NRG4: variants seen among roughly 807,000 people sequenced by gnomAD.
The protein encoded by NRG4 is pro-neuregulin-4, membrane-bound isoform.
A neutral mutation model predicts 15.0 loss-of-function variants in NRG4; 10 were observed. That is an observed-to-expected ratio of 0.67 (90% CI 0.41 to 1.13). NRG4 has a LOEUF of 1.13. Ranked by LOEUF, NRG4 falls within the 50% of genes most tolerant of loss-of-function variation. The pLI is 0.00. For synonymous variants in NRG4, 41 were observed against 50.1 expected, an observed-to-expected ratio of 0.82 and a Z score of 0.77; for missense variants, 139 against 140.2, an observed-to-expected ratio of 0.99 and a Z score of 0.04.
chr15:75,986,392 C>G (rs2033803258), intron 3 of NRG4, among the ~76,000 whole-genome samples: 2 of 152,036 alleles, frequency 1.3e-5, no homozygotes, highest in African/African-American at 4.8e-5. Context: ...TTTGTATTAG[C>G]AAAAGATAAG....
intron 5 of NRG4, among the ~76,000 whole-genome samples, chr15:75,946,397 G>A (rs1467542883): frequency 2.0e-5 from 3 of 152,036 alleles, no homozygotes; most frequent in African/African-American, 7.2e-5. Context: ...TCGCTCTGTC[G>A]CCCAGGCTGG....
intron 1 of NRG4, chr15:76,057,235 T>A (rs962548022): frequency 7.1e-6 from 1 of 141,462 alleles, no homozygotes; most frequent in Non-Finnish European, 1.6e-5. Flanking sequence ...AAAAAAAAAA[T>A]CACAAGTCAA....
At chr15:76,055,472 GT>G (rs1172793495) in intron 2 of NRG4, among the ~76,000 whole-genome samples, 1 of 152,144 alleles carries the variant, frequency 6.6e-6, no homozygotes, top group Non-Finnish European at 1.5e-5. Context: ...AGAATCTACT[GT>G]TTAAATGCAG....
At position 75,963,123 on chromosome 15, in the gene NRG4, A is replaced by G. The variant is rs560215703; in HGVS notation, c.105-1149T>C. On this transcript the variant is annotated intron_variant, in intron 3 of 5. Transcript: ENST00000394907. ...AAATAAGAGAAAAGAACATCAAGATATAGCACAAAGGATCAATTTGAGTTA... is the reference window on the plus strand; with the variant it reads ...AAATAAGAGAAAAGAACATCAAGATGTAGCACAAAGGATCAATTTGAGTTA... Among the ~76,000 whole-genome samples the G allele has an allele frequency of 3.3e-5, 5 of 152,360 alleles. No individual in the cohort carries two copies. In the East Asian group the frequency reaches 9.6e-4, roughly 29 times the overall value.
chr15:75,951,194 G>C (rs1255868925), intron 5 of NRG4: 1 of 131,808 alleles, frequency 7.6e-6, no homozygotes, highest in Non-Finnish European at 1.5e-5. Flanking sequence ...TTGAGACGGA[G>C]TCTCACTCTG....
At chr15:76,053,049 TAG>T (rs957501189) in intron 2 of NRG4, 5 of 151,138 alleles carry the variant, frequency 3.3e-5, no homozygotes, top group Non-Finnish European at 7.4e-5. Context: ...CATAAAAATT[TAG>T]AGTTAGAAAA....
rs563991412 is a variant in NRG4 at position 75,942,021 on chromosome 15, A to G, written c.*1617T>C. ...GCAGGGGGTGGGGTATTTAGTCACA[A>G]GACATAGAGGAACTTTAAGTGTATA... On this transcript the variant is annotated 3_prime_UTR_variant, in exon 6 of 6. Coordinates refer to ENST00000394907, the MANE Select transcript of NRG4 (RefSeq NM_138573.4). 1.3e-4 allele frequency: 20 copies of G among 150,064 alleles called. No homozygotes were observed. Among genetic ancestry groups the G allele is most frequent in the African/African-American group, 4.9e-4 (20 of 40,852 alleles). 9.3% of individuals were successfully genotyped at this position (150,064 alleles called of 1,614,324 possible).
chr15:75,976,031 C>T (rs965774369), intron 3 of NRG4, among the ~76,000 whole-genome samples: 3 of 151,904 alleles, frequency 2.0e-5, no homozygotes, highest in Non-Finnish European at 2.9e-5. Context: ...TCCCATATTT[C>T]GTTCCTTTTC....
intron 3 of NRG4, among the ~76,000 whole-genome samples, chr15:75,980,734 C>T (rs1306317690): frequency 1.3e-5 from 2 of 152,030 alleles, no homozygotes; most frequent in Non-Finnish European, 2.9e-5. Flanking sequence ...TCTCACGTTC[C>T]AGATCACTCT....
At chr15:76,016,726 A>G (rs914410856), upstream of NRG4, among the ~76,000 whole-genome samples, 4 of 152,028 alleles carry the variant, frequency 2.6e-5, no homozygotes, top group African/African-American at 7.2e-5. Context: ...ATTATTTTGC[A>G]TTTGCTGAGG....
intron 5 of NRG4, 33 bp from the exon 6 acceptor site, chr15:75,943,687 C>A (rs368066095): frequency 2.0e-6 from 3 of 1,469,056 alleles, no homozygotes; most frequent in African/African-American, 2.8e-5. Context: ...AAGATGCTTT[C>A]TCCATTGCAA....
At chr15:75,995,572 T>C (rs2034185030) in intron 3 of NRG4, among the ~76,000 whole-genome samples, 1 of 151,998 alleles carries the variant, frequency 6.6e-6, no homozygotes, top group Non-Finnish European at 1.5e-5. Context: ...AGAGGATACA[T>C]ATCCAAACTA....
chr15:76,009,717 A>G (rs959613586), intron 2 of NRG4, among the ~76,000 whole-genome samples: 2 of 152,142 alleles, frequency 1.3e-5, no homozygotes, highest in African/African-American at 4.8e-5. Flanking sequence ...TTAATATCTG[A>G]AATTGCAGCT....
At chr15:76,035,961 A>T (rs2035587976) in exon 5 of NRG4, 1 of 152,266 alleles carries the variant, frequency 6.6e-6, no homozygotes, top group African/African-American at 2.4e-5. Context: ...TCTCTTGATT[A>T]TAATTTGGGT....
chr15:75,943,764 C>G lies in NRG4; in HGVS notation c.332-110G>C, dbSNP rs1595935126. 6.9e-6 allele frequency: 5 copies of G among 723,124 alleles called. No individual in the cohort carries two copies. In the East Asian group the frequency reaches 1.3e-4, roughly 19 times the overall value. The allele number at this position is 723,124 out of a possible 1,614,324, so 44.8% of individuals were successfully genotyped here. On this transcript the variant is annotated intron_variant, in intron 5 of 5. Transcript: ENST00000394907. ...CTTCACATATATAAGCCAACCCCTT[C>G]TGTTTGTGATAGGATGTGTTGAGGT...
intron 3 of NRG4, among the ~76,000 whole-genome samples, chr15:75,970,468 G>A (rs1023120809): frequency 1.3e-5 from 2 of 152,302 alleles, no homozygotes; most frequent in African/African-American, 4.8e-5. Context: ...CTACTATTGT[G>A]GACAGGGTAC....
At chr15:76,014,927 C>T (rs1200820156), upstream of NRG4, among the ~76,000 whole-genome samples, 1 of 152,154 alleles carries the variant, frequency 6.6e-6, no homozygotes, top group Non-Finnish European at 1.5e-5. Context: ...CTCTAAATTA[C>T]TTTGGGCAGT....
At chr15:75,990,718 G>A (rs188739237) in intron 3 of NRG4, among the ~76,000 whole-genome samples, 17 of 135,644 alleles carry the variant, frequency 1.3e-4, no homozygotes, top group African/African-American at 2.0e-4. Context: ...TCTATGCTCC[G>A]TCATCCAGCC....
chr15:76,036,714 A>C (rs897723086), intron 4 of NRG4, among the ~76,000 whole-genome samples: 2 of 152,232 alleles, frequency 1.3e-5, no homozygotes, highest in African/African-American at 4.8e-5. Flanking sequence ...GGAAGGATTC[A>C]ACAAGTGCTA....
Sources: allele counts gnomAD v4.1 joint callset (sites outside exome capture counted in the v4.1 genomes callset), GRCh38; gene constraint gnomAD v4.1.1; transcripts MANE v1.5; gene names NCBI Gene and HGNC (gene_info 2026-07-23, HGNC 2026-07-21).